CSMD1: variants seen among roughly 807,000 people sequenced by gnomAD.
CSMD1 encodes CUB and sushi domain-containing protein 1.
In CSMD1, 213 loss-of-function variants were observed where a neutral mutation model predicts 417.5. The observed-to-expected ratio is 0.51, with a 90% CI of 0.46 to 0.57. CSMD1 has a LOEUF of 0.57. CSMD1 is among the 20% of genes least tolerant of loss of function. The pLI is 0.00. For missense variants in CSMD1, 6,923 were observed against 4,529.7 expected, an observed-to-expected ratio of 1.53 and a Z score of -15.17; for synonymous variants, 2,862 against 1,736.8, an observed-to-expected ratio of 1.65 and a Z score of -16.11.
intron 3 of CSMD1, among the ~76,000 whole-genome samples, chr8:4,152,491 A>T (rs1796619822): frequency 6.6e-6 from 1 of 151,486 alleles, no homozygotes; most frequent in South Asian, 2.1e-4. Flanking sequence ...GAGTATGGAA[A>T]ACACTGCAAA....
At chr8:4,643,146 C>A (rs1004780484) in intron 1 of CSMD1, among the ~76,000 whole-genome samples, 7 of 152,174 alleles carry the variant, frequency 4.6e-5, no homozygotes, top group Non-Finnish European at 8.8e-5. Context: ...AGATAAACAT[C>A]AAAAACAGCC....
At chr8:2,965,589 G>C (rs1428251064) in intron 59 of CSMD1, among the ~76,000 whole-genome samples, 186 bp downstream of exon 59, 1 of 152,104 alleles carries the variant, frequency 6.6e-6, no homozygotes. Context: ...CTATGAGTTA[G>C]TTTTTCCATC....
rs17070364 is a variant in CSMD1 at position 4,469,317 on chromosome 8, A to G, written c.303-49252T>C. Among the ~76,000 whole-genome samples, 843 of 152,192 alleles carry G rather than the reference A, an allele frequency of 5.5e-3. 6 individuals are homozygous for G. Among genetic ancestry groups the G allele is most frequent in the African/African-American group, 0.02 (811 of 41,530 alleles). The stretch of plus-strand genomic sequence containing the variant: ...GTGGGACTTTCTCATTCTAACAATT[A>G]TTTTCGGCTTTCTGAAAAGTCTTGT... On this transcript the variant is annotated intron_variant, in intron 2 of 69. Coordinates refer to ENST00000635120, the MANE Select transcript of CSMD1 (RefSeq NM_033225.6).
chr8:3,740,144 C>G (rs1440788610), intron 6 of CSMD1, among the ~76,000 whole-genome samples: 3 of 152,008 alleles, frequency 2.0e-5, no homozygotes, highest in Non-Finnish European at 4.4e-5. Context: ...TCACTCTTGT[C>G]CTCCAGGCTG....
At position 4,105,554 on chromosome 8, in the gene CSMD1, G is replaced by A. The variant is rs182097515; in HGVS notation, c.416-73455C>T. Among the ~76,000 whole-genome samples the A allele has an allele frequency of 3.9e-5, 6 of 152,188 alleles. No individual in the cohort carries two copies. The East Asian group carries it at 7.7e-4, about 20-fold the overall frequency. The stretch of plus-strand genomic sequence containing the variant: ...CTGGATGCAGACAATTAAAAAATAC[G>A]ACAAATAAGCAAATTCATTGTCTAT... On this transcript the variant is annotated intron_variant, in intron 3 of 69. Coordinates refer to ENST00000635120, the MANE Select transcript of CSMD1 (RefSeq NM_033225.6).
intron 3 of CSMD1, among the ~76,000 whole-genome samples, chr8:4,250,928 G>C (rs1803026040): frequency 6.6e-6 from 1 of 152,130 alleles, no homozygotes; most frequent in Non-Finnish European, 1.5e-5. Context: ...TCACGGCTGA[G>C]CTCTTTTCTT....
intron 69 of CSMD1, among the ~76,000 whole-genome samples, chr8:2,941,134 C>A (rs632820): frequency 0.8 from 122,073 of 152,134 alleles, 49,099 homozygotes; most frequent in East Asian, 0.9. Context: ...CAGATGTGCC[C>A]ATCTTTAATT....
At chr8:4,406,666 C>T (rs1271155897) in intron 3 of CSMD1, among the ~76,000 whole-genome samples, 1 of 152,142 alleles carries the variant, frequency 6.6e-6, no homozygotes, top group Non-Finnish European at 1.5e-5. Context: ...TCCTCCTGGC[C>T]ATGCCTTACA....
chr8:3,719,533 A>G (rs1352323669), intron 6 of CSMD1, among the ~76,000 whole-genome samples: 1 of 152,198 alleles, frequency 6.6e-6, no homozygotes, highest in Non-Finnish European at 1.5e-5. Flanking sequence ...ACTTTGGGAA[A>G]ATTAACTTCA....
intron 3 of CSMD1, among the ~76,000 whole-genome samples, chr8:4,366,641 A>G (rs1451548860): frequency 6.6e-6 from 1 of 152,108 alleles, no homozygotes; most frequent in Non-Finnish European, 1.5e-5. Flanking sequence ...GAGAGATGGT[A>G]TCTCATCGTG....
intron 3 of CSMD1, among the ~76,000 whole-genome samples, chr8:4,235,294 A>C (rs1280059664): frequency 6.6e-6 from 1 of 152,110 alleles, no homozygotes; most frequent in African/African-American, 2.4e-5. Flanking sequence ...ACAAAAATGC[A>C]CTGGAAAAAA....
intron 1 of CSMD1, among the ~76,000 whole-genome samples, chr8:4,671,504 G>A (rs1295081047): frequency 6.6e-6 from 1 of 152,180 alleles, no homozygotes; most frequent in Non-Finnish European, 1.5e-5. Flanking sequence ...TAGCAGTGAT[G>A]TCGGCAAAGT....
chr8:4,199,935 A>C (rs948653462), intron 3 of CSMD1, among the ~76,000 whole-genome samples: 3 of 152,168 alleles, frequency 2.0e-5, no homozygotes, highest in African/African-American at 7.2e-5. Context: ...GGTTACAAGG[A>C]GTTTCAACCA....
At chr8:4,416,295 C>G (rs1796934033) in intron 3 of CSMD1, among the ~76,000 whole-genome samples, 1 of 152,024 alleles carries the variant, frequency 6.6e-6, no homozygotes. Context: ...CAATTAACTT[C>G]CGAAAAACCT....
chr8:3,384,836 T>G (rs1174610190), intron 18 of CSMD1, among the ~76,000 whole-genome samples: 7 of 123,410 alleles, frequency 5.7e-5, no homozygotes, highest in Non-Finnish European at 7.8e-5. Flanking sequence ...TAAAATAGTA[T>G]ACATATTTAT....
intron 1 of CSMD1, among the ~76,000 whole-genome samples, chr8:4,983,089 C>G (rs1046429436): frequency 6.6e-6 from 1 of 152,168 alleles, no homozygotes; most frequent in Admixed American, 6.5e-5. Context: ...AGATAACTTA[C>G]TCAGTATACA....
At chr8:3,708,625 T>G (rs984019813) in intron 6 of CSMD1, 134 bp from the exon 7 acceptor site, 4 of 697,166 alleles carry the variant, frequency 5.7e-6, no homozygotes, top group African/African-American at 1.8e-5. Context: ...AAGAGGTGAA[T>G]GATACCAAGT....
chr8:4,183,890 A>C (rs1244167946), intron 3 of CSMD1, among the ~76,000 whole-genome samples: 1 of 152,144 alleles, frequency 6.6e-6, no homozygotes, highest in Non-Finnish European at 1.5e-5. Flanking sequence ...GGGCATGTGG[A>C]CAGTTTGGCC....
At chr8:3,086,114 G>A (rs763685271) in intron 49 of CSMD1, among the ~76,000 whole-genome samples, 1 of 151,976 alleles carries the variant, frequency 6.6e-6, no homozygotes, top group South Asian at 2.1e-4. Flanking sequence ...CTACGACTCT[G>A]TTCTATAAAC....
Sources: gnomAD v4.1 joint callset for allele counts (sites outside exome capture counted in the v4.1 genomes callset) on GRCh38, gnomAD v4.1.1 for gene constraint, MANE v1.5 for transcripts, NCBI Gene and HGNC (gene_info 2026-07-23, HGNC 2026-07-21) for gene names.